The following SNTG1 variants were observed in gnomAD, a reference collection of about 807,000 sequenced individuals.
SNTG1 encodes the protein syntrophin gamma 1.
SNTG1 carries 39 observed loss-of-function variants against 74.7 expected under a neutral mutation model. The observed-to-expected ratio is 0.52, with a 90% CI of 0.40 to 0.68. The LOEUF (loss-of-function observed/expected upper bound fraction) is 0.68, where lower values mean the gene tolerates loss of function less well. SNTG1 is among the 30% of genes least tolerant of loss of function. The pLI is 0.00. For synonymous variants in SNTG1, 254 were observed against 217.1 expected, an observed-to-expected ratio of 1.17 and a Z score of -1.49; for missense variants, 685 against 609.5, an observed-to-expected ratio of 1.12 and a Z score of -1.30.
intron 1 of SNTG1, among the ~76,000 whole-genome samples, chr8:50,107,559 TG>T (rs1475452896): frequency 7.0e-6 from 1 of 143,544 alleles, no homozygotes; most frequent in South Asian, 2.6e-4. Flanking sequence ...CAAGGTTTTT[TG>T]TTTTTTTGTT....
intron 4 of SNTG1, among the ~76,000 whole-genome samples, chr8:50,433,542 G>A (rs912275040): frequency 6.7e-6 from 1 of 149,722 alleles, no homozygotes; most frequent in Non-Finnish European, 1.5e-5. Context: ...AGAAAGAACA[G>A]CAGAGATCAG....
intron 17 of SNTG1, among the ~76,000 whole-genome samples, chr8:50,723,111 G>C (rs957377825): frequency 1.3e-5 from 2 of 152,032 alleles, no homozygotes; most frequent in African/African-American, 4.8e-5. Flanking sequence ...CCAAACGTAC[G>C]TGACCACATT....
chr8:50,790,496 G>GT (rs1213027988), intron 18 of SNTG1, among the ~76,000 whole-genome samples: 18 of 152,036 alleles, frequency 1.2e-4, no homozygotes, highest in Middle Eastern at 6.8e-3. Flanking sequence ...ATCAGTGGAT[G>GT]TTTGATAGGT....
intron 13 of SNTG1, among the ~76,000 whole-genome samples, chr8:50,597,382 CAT>C (rs745629469): frequency 1.1e-5 from 1 of 92,696 alleles, no homozygotes; most frequent in African/African-American, 1.1e-4. Context: ...TATATATACA[CAT>C]ATATACATAT....
At chr8:50,179,564 C>T (rs1407583406) in intron 2 of SNTG1, among the ~76,000 whole-genome samples, 2 of 152,070 alleles carry the variant, frequency 1.3e-5, no homozygotes, top group African/African-American at 4.8e-5. Flanking sequence ...ACTCAAAATA[C>T]ATAAGCAGTT....
chr8:50,377,415 G>T (rs548208661), intron 2 of SNTG1, among the ~76,000 whole-genome samples: 5 of 151,936 alleles, frequency 3.3e-5, no homozygotes, highest in African/African-American at 9.7e-5. Flanking sequence ...GCAAAATAGG[G>T]TATTCTTCAG....
At chr8:50,781,538 T>G (rs1271859762) in intron 18 of SNTG1, among the ~76,000 whole-genome samples, 1 of 152,210 alleles carries the variant, frequency 6.6e-6, no homozygotes, top group Admixed American at 6.5e-5. Flanking sequence ...GCTGCCTTTT[T>G]TTGTTTTCCA....
intron 3 of SNTG1, among the ~76,000 whole-genome samples, chr8:50,399,796 G>T (rs2092777950): frequency 6.6e-6 from 1 of 152,100 alleles, no homozygotes; most frequent in South Asian, 2.1e-4. Flanking sequence ...CTATATTAGG[G>T]AAAGTACAAT....
At chr8:50,262,441 C>T (rs1321575729) in intron 2 of SNTG1, among the ~76,000 whole-genome samples, 2 of 152,084 alleles carry the variant, frequency 1.3e-5, no homozygotes, top group Admixed American at 1.3e-4. Flanking sequence ...GACGGAGTGT[C>T]GCTCTGTCAC....
chr8:50,169,695 C>T lies in SNTG1; in HGVS notation c.-102-2866C>T, dbSNP rs545574354. Among the ~76,000 whole-genome samples, 390 of 152,234 alleles carry T rather than the reference C, an allele frequency of 2.6e-3. 1 individual carries two copies. The highest frequency in any genetic ancestry group is 8.8e-3 in the African/African-American group (367 of 41,542). On this transcript the variant is annotated intron_variant, in intron 1 of 18. Coordinates refer to ENST00000642720, the MANE Select transcript of SNTG1 (RefSeq NM_018967.5). ...TTTACTTCATTAGCTGTAGTGAACTCTTCTTTGGACTGTCTGTGTTTTGGT... is the reference window on the plus strand; with the variant it reads ...TTTACTTCATTAGCTGTAGTGAACTTTTCTTTGGACTGTCTGTGTTTTGGT...
At position 50,260,510 on chromosome 8, in the gene SNTG1, A is replaced by AACAC. The variant is rs10649962; in HGVS notation, c.-28+87889_-28+87892dup. On this transcript the variant is annotated intron_variant, in intron 2 of 18. Coordinates refer to ENST00000642720, the MANE Select transcript of SNTG1 (RefSeq NM_018967.5). ...ACCCAGTACATCACATCCAGCTTTT[A>AACAC]ACACACACACACACACAGACACACA... Among the ~76,000 whole-genome samples the AACAC allele has an allele frequency of 1.9e-3, 269 of 143,606 alleles. 1 individual carries two copies. Among genetic ancestry groups the AACAC allele is most frequent in the African/African-American group, 4.0e-3 (158 of 39,424 alleles). 94.2% of individuals were successfully genotyped at this position (143,606 alleles called of 152,430 possible). A position where few individuals can be genotyped will look rare whatever the true frequency, so the allele number is the denominator to read the frequency against.
intron 8 of SNTG1, among the ~76,000 whole-genome samples, chr8:50,455,718 A>C (rs549160132): frequency 1.8e-3 from 271 of 152,298 alleles, no homozygotes; most frequent in Middle Eastern, 3.4e-3. Context: ...AAAAGGCATA[A>C]ATTTATATAT....
chr8:50,751,342 C>A (rs569610144), intron 17 of SNTG1, among the ~76,000 whole-genome samples: 1 of 152,112 alleles, frequency 6.6e-6, no homozygotes, highest in South Asian at 2.1e-4. Flanking sequence ...ATTTATGATA[C>A]AGGATAGACA....
At chr8:50,112,494 T>C (rs1223578459) in intron 1 of SNTG1, among the ~76,000 whole-genome samples, 1 of 144,850 alleles carries the variant, frequency 6.9e-6, no homozygotes, top group Non-Finnish European at 1.5e-5. Context: ...TTATGCAGCA[T>C]ACACAAGTAT....
intron 1 of SNTG1, 68 bp from the exon 2 acceptor site, chr8:50,172,493 T>C (rs2082841690): frequency 6.6e-6 from 1 of 152,172 alleles, no homozygotes; most frequent in Non-Finnish European, 1.5e-5. Flanking sequence ...TACATTTCGG[T>C]GTGTAGATTT....
At chr8:50,559,359 C>T (rs2094474122) in intron 12 of SNTG1, among the ~76,000 whole-genome samples, 1 of 151,902 alleles carries the variant, frequency 6.6e-6, no homozygotes, top group South Asian at 2.1e-4. Context: ...TAGAGAAAGC[C>T]TTAACTAAGT....
intron 2 of SNTG1, among the ~76,000 whole-genome samples, chr8:50,340,527 G>T (rs2091287393): frequency 1.3e-5 from 2 of 151,864 alleles, no homozygotes; most frequent in African/African-American, 4.8e-5. Context: ...TGAAAGAAAT[G>T]AATATAAATA....
At chr8:50,007,756 A>G (rs796978631) in intron 1 of SNTG1, among the ~76,000 whole-genome samples, 5 of 152,244 alleles carry the variant, frequency 3.3e-5, no homozygotes, top group African/African-American at 1.2e-4. Flanking sequence ...TAGAGGAAAG[A>G]GAATGTGTTA....
intron 1 of SNTG1, among the ~76,000 whole-genome samples, chr8:49,928,145 T>TAATA (rs372341073): frequency 0.59 from 81,164 of 137,832 alleles, 24,480 homozygotes; most frequent in East Asian, 0.81. Context: ...TCTCAAAAAA[T>TAATA]AATAAATAAA....
Sources: gnomAD v4.1 joint callset for allele counts (sites outside exome capture counted in the v4.1 genomes callset) on GRCh38, gnomAD v4.1.1 for gene constraint, MANE v1.5 for transcripts, NCBI Gene and HGNC (gene_info 2026-07-23, HGNC 2026-07-21) for gene names.